Variants in BLTP2 observed in about 807,000 individuals in gnomAD.
BLTP2 encodes bridge-like lipid transfer protein family member 2, also known as U937-associated antigen.
the BLTP2 span, chr17:28,631,584 A>T: frequency 6.2e-7 from 1 of 1,614,160 alleles, no homozygotes; most frequent in East Asian, 2.2e-5. Context: ...CATTCTCTTC[A>T]GTGGGTGAGG....
chr17:28,638,050 A>T, the BLTP2 span: 1 of 1,614,248 alleles, frequency 6.2e-7, no homozygotes, highest in Non-Finnish European at 8.5e-7. Context: ...GAAAAAGGGT[A>T]TCTGACTGGG....
chr17:28,622,323 C>T, the BLTP2 span, among the ~76,000 whole-genome samples: 1 of 152,202 alleles, frequency 6.6e-6, no homozygotes, highest in Non-Finnish European at 1.5e-5. Flanking sequence ...GTCCCTTACA[C>T]GGCTTAACAT....
the BLTP2 span, among the ~76,000 whole-genome samples, chr17:28,622,317 CTTACACGGCTT>C: frequency 6.6e-5 from 10 of 152,184 alleles, no homozygotes; most frequent in African/African-American, 2.2e-4. Flanking sequence ...CAACCGGTCC[CTTACACGGCTT>C]AACATCTGAT....
At chr17:28,621,218 A>C in the BLTP2 span, 1 of 1,577,258 alleles carries the variant, frequency 6.3e-7, no homozygotes, top group Non-Finnish European at 8.7e-7. Context: ...CTCAATAAAG[A>C]TAATGTGAGA....
chr17:28,615,204 C>G, the BLTP2 span: 1 of 1,614,024 alleles, frequency 6.2e-7, no homozygotes, highest in Non-Finnish European at 8.5e-7. Context: ...CCCCGGACCT[C>G]AGAGCCTGTT....
chr17:28,621,825 AT>A, the BLTP2 span, among the ~76,000 whole-genome samples: 1 of 152,142 alleles, frequency 6.6e-6, no homozygotes, highest in African/African-American at 2.4e-5. Context: ...TTTCTCACAC[AT>A]TTTGGTATTT....
the BLTP2 span, chr17:28,616,812 A>T: frequency 4.2e-5 from 67 of 1,610,660 alleles, no homozygotes; most frequent in Non-Finnish European, 5.5e-5. The surrounding 1 kb of genome is among the most constrained non-coding windows in gnomAD (Gnocchi z 4.8). Flanking sequence ...CAGTTTACCT[A>T]CTCCTAATAT....
At chr17:28,628,310 T>C in the BLTP2 span, 38 of 1,614,046 alleles carry the variant, frequency 2.4e-5, no homozygotes, top group Middle Eastern at 6.6e-4. Context: ...CTGGGAGTGT[T>C]AACACGAGGT....
At chr17:28,634,851 A>G in the BLTP2 span, 1 of 1,613,914 alleles carries the variant, frequency 6.2e-7, no homozygotes, top group Non-Finnish European at 8.5e-7. Context: ...CCACTTTAGC[A>G]TCCAGTAGCT....
the BLTP2 span, chr17:28,637,119 G>A: frequency 7.4e-6 from 12 of 1,614,036 alleles, no homozygotes; most frequent in Middle Eastern, 1.6e-4. Context: ...CACAGTGGAC[G>A]TCTCTGCACT....
At chr17:28,617,507 C>T in the BLTP2 span, 1 of 504,886 alleles carries the variant, frequency 2.0e-6, no homozygotes, top group Non-Finnish European at 3.5e-6. Flanking sequence ...GTCCAGGACA[C>T]TAAATGCTGG....
the BLTP2 span, chr17:28,615,695 T>C: frequency 1.2e-6 from 2 of 1,614,210 alleles, no homozygotes; most frequent in Non-Finnish European, 1.7e-6. Context: ...GCTGTCCCTT[T>C]TGACAGCCAT....
At chr17:28,615,057 C>A in the BLTP2 span, 1 of 1,611,024 alleles carries the variant, frequency 6.2e-7, no homozygotes, top group Non-Finnish European at 8.5e-7. Flanking sequence ...CCACTCGAAT[C>A]GCCAAATCAT....
At chr17:28,635,428 G>A in the BLTP2 span, 5 of 1,614,078 alleles carry the variant, frequency 3.1e-6, no homozygotes, top group Admixed American at 6.7e-5. Context: ...TAATGGCTCA[G>A]GGGCACGGCC....
chr17:28,615,098 G>C, the BLTP2 span: 1 of 1,613,818 alleles, frequency 6.2e-7, no homozygotes, highest in Non-Finnish European at 8.5e-7. Context: ...CTTCTTGCCA[G>C]GGTTCTTGTC....
chr17:28,618,982 A>C, the BLTP2 span: 6 of 1,609,808 alleles, frequency 3.7e-6, no homozygotes, highest in Non-Finnish European at 4.2e-6. Context: ...CTGTAAGTGG[A>C]CAGGGGAGCC....
chr17:28,619,734 C>T, the BLTP2 span: 1 of 1,613,810 alleles, frequency 6.2e-7, no homozygotes. Context: ...GCTTCTGGTT[C>T]AGGTCAAGCA....
chr17:28,642,139 T>C, the BLTP2 span: 5 of 1,589,462 alleles, frequency 3.1e-6, no homozygotes, highest in Non-Finnish European at 4.3e-6. Flanking sequence ...TAGGTCAAAA[T>C]GTGGTGATCT....
At chr17:28,632,273 G>C in the BLTP2 span, 1 of 1,556,680 alleles carries the variant, frequency 6.4e-7, no homozygotes, top group Non-Finnish European at 8.8e-7. Context: ...TCCTAGTTAT[G>C]GATGAAACAC....
Sources: allele counts gnomAD v4.1 joint callset (sites outside exome capture counted in the v4.1 genomes callset), GRCh38; gene constraint gnomAD v4.1.1; non-coding constraint Gnocchi (gnomAD v3.1); transcripts MANE v1.5; gene names NCBI Gene and HGNC (gene_info 2026-07-23, HGNC 2026-07-21).